INSIG1: variants seen among roughly 807,000 people sequenced by gnomAD.
The protein encoded by INSIG1 is insulin-induced gene 1 protein.
A neutral mutation model predicts 26.5 loss-of-function variants in INSIG1; 14 were observed. That is an observed-to-expected ratio of 0.53 (90% CI 0.35 to 0.83). INSIG1 has a LOEUF of 0.83. Among genes scored for constraint, INSIG1 ranks in the 40% least tolerant of loss-of-function variants. The pLI, the probability that INSIG1 is intolerant of heterozygous loss-of-function variation, is 0.01. For missense variants in INSIG1, 272 were observed against 368.9 expected (o/e 0.74, Z 2.15); for synonymous variants, 147 against 153.3 (o/e 0.96, Z 0.30).
At position 155,303,882 on chromosome 7, in the gene INSIG1, A is replaced by T. The variant is rs1419015071; in HGVS notation, c.804+1036A>T. 5 of 1,365,788 alleles carry T rather than the reference A, an allele frequency of 3.7e-6. No homozygotes were observed. The African/African-American group carries it at 7.4e-5, about 20-fold the overall frequency. 84.6% of individuals were successfully genotyped at this position (1,365,788 alleles called of 1,614,324 possible). ...GACCACTTGGCTGTTTCACAAAACC[A>T]GAAGTAATTACAGGTAGAATTTGCA... On this transcript the variant is annotated intron_variant, in intron 5 of 5. Coordinates refer to ENST00000340368, the MANE Select transcript of INSIG1 (RefSeq NM_005542.6).
chr7:155,302,663 A>G lies in INSIG1; in HGVS notation c.705-84A>G, dbSNP rs544146215. 4 of 1,010,464 alleles carry G rather than the reference A, an allele frequency of 4.0e-6. No homozygotes were observed. Among genetic ancestry groups the G allele is most frequent in the Non-Finnish European group, 6.2e-6 (4 of 641,334 alleles). The allele number at this position is 1,010,464 out of a possible 1,614,324, so 62.6% of individuals were successfully genotyped here. A position where few individuals can be genotyped will look rare whatever the true frequency, so the allele number is the denominator to read the frequency against. On this transcript the variant is annotated intron_variant, in intron 4 of 5. Coordinates refer to ENST00000340368, the MANE Select transcript of INSIG1 (RefSeq NM_005542.6). This position sits in a 1 kb window ranked among gnomAD's most constrained non-coding sequence, Gnocchi z 4.3. Reference sequence around the variant, plus strand: ...ATTGGATGGTTGATATGCGTTCTGCATATCCCCACTACAGAGAATCTGTGA... The same window carrying G: ...ATTGGATGGTTGATATGCGTTCTGCGTATCCCCACTACAGAGAATCTGTGA...
rs576142390 is a variant in INSIG1, at chr7:155,309,415, G to A, written c.*1145G>A. On this transcript the variant is annotated 3_prime_UTR_variant, in exon 6 of 6. Transcript: ENST00000340368. ...TTTCAGTGCTGCCTGGAGGAAACTC[G>A]GCAATGATTTCTTTCAGTTGTGAAG... is the stretch of plus-strand genomic sequence containing the variant. 7 of 152,684 alleles carry A rather than the reference G, an allele frequency of 4.6e-5. 1 individual carries two copies. In the South Asian group the frequency reaches 1.2e-3, roughly 27 times the overall value. 9.5% of individuals were successfully genotyped at this position (152,684 alleles called of 1,614,324 possible). A position where few individuals can be genotyped will look rare whatever the true frequency, so the allele number is the denominator to read the frequency against.
In INSIG1 at chr7:155,302,913, T is replaced by C; in HGVS notation, c.804+67T>C. ...TTTACCTTGATAGAATGACTTTACA[T>C]GATACATTCAAATTTGCGTTCATAT... On this transcript the variant is annotated intron_variant, in intron 5 of 5. Transcript: ENST00000340368. The surrounding 1 kb of genome is among the most constrained non-coding windows in gnomAD (Gnocchi z 4.3). 6 of 1,060,446 alleles carry C rather than the reference T, an allele frequency of 5.7e-6. No individual in the cohort carries two copies. The highest frequency in any genetic ancestry group is 8.8e-6 in the Non-Finnish European group (6 of 684,638). 65.7% of individuals were successfully genotyped at this position (1,060,446 alleles called of 1,614,324 possible).
chr7:155,308,394 C>A lies in INSIG1; in HGVS notation c.*124C>A. ...TAGATCGGGCTGACTGTACAAATGA[C>A]TCCTGGAAAAAACTCTTCACCTAGT... is the stretch of plus-strand genomic sequence containing the variant. On this transcript the variant is annotated 3_prime_UTR_variant, in exon 6 of 6. Coordinates refer to ENST00000340368, the MANE Select transcript of INSIG1 (RefSeq NM_005542.6). The A allele has an allele frequency of 8.5e-7, 1 of 1,179,762 alleles. No individual in the cohort carries two copies. The highest frequency in any genetic ancestry group is 1.3e-6 in the Non-Finnish European group (1 of 790,624). The allele number at this position is 1,179,762 out of a possible 1,614,324, so 73.1% of individuals were successfully genotyped here.
intron 5 of INSIG1, chr7:155,303,975 C>CTT: frequency 2.8e-5 from 11 of 387,428 alleles, no homozygotes; most frequent in East Asian, 1.1e-4. Context: ...ACTTTGCTTG[C>CTT]CTTTTTTTTT....
intron 5 of INSIG1, chr7:155,303,976 C>A: frequency 3.8e-6 from 1 of 261,574 alleles, no homozygotes; most frequent in Non-Finnish European, 6.7e-6. Flanking sequence ...CTTTGCTTGC[C>A]TTTTTTTTTT....
In INSIG1 at chr7:155,309,345, A is replaced by T. The variant is rs542794236; in HGVS notation, c.*1075A>T. 2 of 152,418 alleles carry T rather than the reference A, an allele frequency of 1.3e-5. No homozygotes were observed. The highest frequency in any genetic ancestry group is 2.1e-4 in the South Asian group (1 of 4,804). 9.4% of individuals were successfully genotyped at this position (152,418 alleles called of 1,614,324 possible). On this transcript the variant is annotated 3_prime_UTR_variant, in exon 6 of 6. Transcript: ENST00000340368. Reference sequence around the variant, plus strand: ...TGAGCCTTGTATCTCTTAAATATTTATTTTTTTTAACGTGTGAGATGTTCG... The same window carrying T: ...TGAGCCTTGTATCTCTTAAATATTTTTTTTTTTTAACGTGTGAGATGTTCG...
At chr7:155,300,075 G>T (rs1390977387) in intron 2 of INSIG1, among the ~76,000 whole-genome samples, 1 of 152,186 alleles carries the variant, frequency 6.6e-6, no homozygotes, top group Admixed American at 6.5e-5. Flanking sequence ...ACTTTATGTG[G>T]CTGTACTAAT....
At position 155,298,666 on chromosome 7, in the gene INSIG1, G is replaced by A. The variant is rs1422416569; in HGVS notation, c.381G>A (p.Trp127Ter). ...TCGCCACCATCTTTTCCTCCGCCTG[G>A]TGGGTCCCTCCCTGCTGCGGGACAG... ...EVIATIFSSA[W>*]WVPPCCGTAA... The change falls in exon 2 of 6, where the codon TGG becomes TGA. Residue 127 changes from tryptophan to a stop codon, truncating the protein, a stop_gained. Transcript: ENST00000340368. LOFTEE classifies it high-confidence loss of function. 7 of 1,612,384 alleles carry A rather than the reference G, an allele frequency of 4.3e-6. No homozygotes were observed. Among genetic ancestry groups the A allele is most frequent in the Non-Finnish European group, 5.1e-6 (6 of 1,179,946 alleles).
At chr7:155,303,073 G>A (rs542655462) in intron 5 of INSIG1, 34 of 402,752 alleles carry the variant, frequency 8.4e-5, no homozygotes, top group South Asian at 2.2e-4. Flanking sequence ...TAGAGCCCTC[G>A]CACTGCCCCT....
chr7:155,302,524 T>G lies in INSIG1; in HGVS notation c.704+107T>G. On this transcript the variant is annotated intron_variant, in intron 4 of 5. Transcript: ENST00000340368. This position sits in a 1 kb window ranked among gnomAD's most constrained non-coding sequence, Gnocchi z 4.3. ...TATTTTATTTGTTTTTTATATAGAATGATACAGATTTAGGCATGAAATTCT... is the reference window on the plus strand; with the variant it reads ...TATTTTATTTGTTTTTTATATAGAAGGATACAGATTTAGGCATGAAATTCT... 2.5e-6 allele frequency: 3 copies of G among 1,206,108 alleles called. No individual in the cohort carries two copies. The East Asian group carries it at 7.8e-5, about 31-fold the overall frequency. The allele number at this position is 1,206,108 out of a possible 1,614,324, so 74.7% of individuals were successfully genotyped here. A position where few individuals can be genotyped will look rare whatever the true frequency, so the allele number is the denominator to read the frequency against.
intron 5 of INSIG1, among the ~76,000 whole-genome samples, chr7:155,305,350 A>C (rs970083641): frequency 1.3e-5 from 2 of 152,058 alleles, no homozygotes; most frequent in South Asian, 4.1e-4. Flanking sequence ...TCTATCCATC[A>C]AACCCCGGAA....
chr7:155,304,420 A>G (rs750853758), intron 5 of INSIG1, among the ~76,000 whole-genome samples: 5 of 152,242 alleles, frequency 3.3e-5, no homozygotes, highest in Non-Finnish European at 7.3e-5. Flanking sequence ...TCTTTGGGAG[A>G]GAATTCCTAA....
chr7:155,301,265 T>C (rs1797776762), intron 2 of INSIG1, among the ~76,000 whole-genome samples: 1 of 152,246 alleles, frequency 6.6e-6, no homozygotes, highest in African/African-American at 2.4e-5. Flanking sequence ...ATATTAAATA[T>C]AAGGTTACAT....
At chr7:155,305,787 A>C (rs908489122) in intron 5 of INSIG1, among the ~76,000 whole-genome samples, 10 of 152,152 alleles carry the variant, frequency 6.6e-5, no homozygotes, top group Admixed American at 6.5e-4. Flanking sequence ...GTTCTAACTT[A>C]TGCTTCCCTC....
rs1798001418 is a variant in INSIG1 at position 155,308,606 on chromosome 7, A to T, written c.*336A>T. ...TTGCCATATTTCAAAGCCTTGAACTAAGACTCAATTACCAACCCGCAGTTT... is the reference window on the plus strand; with the variant it reads ...TTGCCATATTTCAAAGCCTTGAACTTAGACTCAATTACCAACCCGCAGTTT... On this transcript the variant is annotated 3_prime_UTR_variant, in exon 6 of 6. Coordinates refer to ENST00000340368, the MANE Select transcript of INSIG1 (RefSeq NM_005542.6). 1 of 280,646 alleles carries T rather than the reference A, an allele frequency of 3.6e-6. No homozygotes were observed. Among genetic ancestry groups the T allele is most frequent in the East Asian group, 6.1e-5 (1 of 16,494 alleles). 17.4% of individuals were successfully genotyped at this position (280,646 alleles called of 1,614,324 possible).
intron 3 of INSIG1, 77 bp downstream of exon 3, chr7:155,301,767 T>G: frequency 7.6e-7 from 1 of 1,313,584 alleles, no homozygotes; most frequent in Non-Finnish European, 1.0e-6. Context: ...TGTTATATAC[T>G]CAAATGACTC....
chr7:155,306,283 A>G (rs1033803656), intron 5 of INSIG1, among the ~76,000 whole-genome samples: 3 of 152,242 alleles, frequency 2.0e-5, no homozygotes, highest in Non-Finnish European at 4.4e-5. Context: ...TACAGGCATG[A>G]GCCACCGCGC....
At chr7:155,300,564 A>G (rs1046478116) in intron 2 of INSIG1, among the ~76,000 whole-genome samples, 3 of 151,704 alleles carry the variant, frequency 2.0e-5, no homozygotes, top group Non-Finnish European at 4.4e-5. Context: ...GGACACAGTG[A>G]CCCTTGTGTC....
Sources: allele counts gnomAD v4.1 joint callset (sites outside exome capture counted in the v4.1 genomes callset), GRCh38; gene constraint gnomAD v4.1.1; non-coding constraint Gnocchi (gnomAD v3.1); transcripts MANE v1.5; gene names NCBI Gene and HGNC (gene_info 2026-07-23, HGNC 2026-07-21).